The following ATP12A variants were observed in gnomAD, a reference collection of about 807,000 sequenced individuals.
The protein encoded by ATP12A is ATPase H+/K+ transporting non-gastric alpha2 subunit.
Under a neutral mutation model 111.2 loss-of-function variants are expected in ATP12A, and 81 were observed. The observed-to-expected ratio is 0.73, with a 90% confidence interval of 0.61 to 0.88. The LOEUF (loss-of-function observed/expected upper bound fraction) is 0.88. Ranked by LOEUF, ATP12A falls within the 40% of genes least tolerant of loss-of-function variation. The pLI, the probability that ATP12A is intolerant of heterozygous loss-of-function variation, is 0.00. For synonymous variants in ATP12A, 498 were observed against 499.8 expected (o/e 1.00, Z 0.05); for missense variants, 1,196 against 1,313.1 (o/e 0.91, Z 1.38).
intron 11 of ATP12A, among the ~76,000 whole-genome samples, chr13:24,696,002 T>G (rs1288284077): frequency 6.6e-6 from 1 of 152,008 alleles, no homozygotes. Context: ...ACCAGAAACA[T>G]ATGATGTAAA....
rs960146252 is a variant in ATP12A at position 24,688,430 on chromosome 13, G to A, written c.340G>A (p.Gly114Arg). The A allele has an allele frequency of 6.2e-7, 1 of 1,614,114 alleles. No individual in the cohort carries two copies. The highest frequency in any genetic ancestry group is 1.7e-5 in the Admixed American group (1 of 60,020). ...IVKFLKQMVG[G>R]FSILLWVGAF... Reference sequence around the variant, plus strand: ...CAAGTTCCTCAAGCAGATGGTGGGGGGGTTCTCTATCCTCCTGTGGGTGGG... The same window carrying A: ...CAAGTTCCTCAAGCAGATGGTGGGGAGGTTCTCTATCCTCCTGTGGGTGGG... The change falls in exon 4 of 23, where the codon GGG becomes AGG. Residue 114 changes from glycine to arginine, a missense_variant. By Grantham distance (125) the Gly-to-Arg change is moderately radical (BLOSUM62 -2). Around this residue, in one of 3 missense-constraint regions of ATP12A, gnomAD observed 1,126 missense variants for 1,228.5 expected, o/e 0.92. Transcript: ENST00000381946.
At chr13:24,684,875 AAGG>A (rs368907735) in intron 2 of ATP12A, among the ~76,000 whole-genome samples, 2 of 152,162 alleles carry the variant, frequency 1.3e-5, no homozygotes, top group African/African-American at 2.4e-5. Context: ...CCACACAGCG[AAGG>A]AGGAGGAGTT....
In ATP12A at chr13:24,694,859, TCTCA is replaced by T. The variant is rs1319776441; in HGVS notation, c.1512+283_1512+286del. ...CTGTCACAGGCACACACTCTCTCTC[TCTCA>T]CACACACACACACACACACACACTC... On this transcript the variant is annotated intron_variant, in intron 11 of 22. Transcript: ENST00000381946. 9.4e-3 allele frequency among the ~76,000 whole-genome samples: 1,403 copies of T among 149,086 alleles called. 14 individuals carry two copies. The highest frequency in any genetic ancestry group is 0.029 in the African/African-American group (1,158 of 40,442).
chr13:24,688,522 C>T lies in ATP12A; in HGVS notation c.432C>T (p.Asn144=), dbSNP rs199568379. The stretch of plus-strand genomic sequence containing the variant: ...GCGACAAGTCTGCATCCCTGAACAA[C>T]GTAAGGCTCTGGGGTGTCCCCTCCT... ...YSSDKSASLN[N]VYLGCVLGLV... The change falls in exon 4 of 23, where the codon AAC becomes AAT. Residue 144 remains asparagine, a splice_region_variant and synonymous_variant. Transcript: ENST00000381946. 248 of 1,577,054 alleles carry T rather than the reference C, an allele frequency of 1.6e-4. No individual in the cohort carries two copies. The highest frequency in any genetic ancestry group is 1.3e-4 in the Non-Finnish European group (155 of 1,158,608).
intron 17 of ATP12A, among the ~76,000 whole-genome samples, chr13:24,708,857 G>A (rs940936342): frequency 1.6e-5 from 2 of 122,208 alleles, no homozygotes; most frequent in African/African-American, 2.9e-5. Flanking sequence ...AGAGAGAGAG[G>A]GAAAGAGAGA....
chr13:24,694,505 G>A lies in ATP12A; in HGVS notation c.1439G>A (p.Gly480Asp). Residue 480 changes from glycine to aspartate, a missense_variant, in exon 11 of 23, where the codon GGT becomes GAT. Physicochemically the swap from Gly to Asp is moderately conservative, Grantham distance 94 (BLOSUM62 -1). Coordinates refer to ENST00000381946, the MANE Select transcript of ATP12A (RefSeq NM_001676.7). Reference sequence around the variant, plus strand: ...TTAAAATTCTCAGAGGTCATTTTGGGTGATGTGATGGAAATTAGAAAAAGA... The same window carrying A: ...TTAAAATTCTCAGAGGTCATTTTGGATGATGTGATGGAAATTAGAAAAAGA... ...ALLKFSEVIL[G>D]DVMEIRKRNR... The A allele has an allele frequency of 6.2e-7, 1 of 1,614,120 alleles. No individual in the cohort carries two copies. Among genetic ancestry groups the A allele is most frequent in the Non-Finnish European group, 8.5e-7 (1 of 1,180,022 alleles).
intron 19 of ATP12A, among the ~76,000 whole-genome samples, chr13:24,710,076 C>T (rs961649990): frequency 2.0e-5 from 3 of 152,094 alleles, no homozygotes; most frequent in African/African-American, 7.2e-5. Context: ...GAAGAGTGAC[C>T]AGCCCAGCCA....
At chr13:24,681,149 A>G (rs1874415304) in intron 1 of ATP12A, among the ~76,000 whole-genome samples, 1 of 152,104 alleles carries the variant, frequency 6.6e-6, no homozygotes, top group African/African-American at 2.4e-5. Context: ...CTCCTCCCCA[A>G]GAAACAGGAC....
rs1471186821 is a variant in ATP12A, at chr13:24,710,488, G to T, written c.2792G>T (p.Trp931Leu). ...AGGTACCAGAGGGAATACCTAGAAT[G>T]GACGGGCTACACGGCTTTCTTTGTT... The part of the protein sequence containing the change: ...WTRYQREYLE[W>L]TGYTAFFVGI... Residue 931 changes from tryptophan to leucine, a missense_variant, in exon 20 of 23, where the codon TGG becomes TTG. By Grantham distance (61) the Trp-to-Leu change is moderately conservative. Coordinates refer to ENST00000381946, the MANE Select transcript of ATP12A (RefSeq NM_001676.7). 1 of 1,614,180 alleles carries T rather than the reference G, an allele frequency of 6.2e-7. No homozygotes were observed. Among genetic ancestry groups the T allele is most frequent in the Non-Finnish European group, 8.5e-7 (1 of 1,180,024 alleles).
Position 24,694,724 on chromosome 13 carries a change from C to T in ATP12A, c.1512+146C>T, listed in dbSNP as rs2289900. 46 of 1,238,866 alleles carry T rather than the reference C, an allele frequency of 3.7e-5. No homozygotes were observed. The East Asian group carries it at 1.0e-3, about 27-fold the overall frequency. 76.7% of individuals were successfully genotyped at this position (1,238,866 alleles called of 1,614,324 possible). ...ATACAGCACCCAGGCATCTGGTCCC[C>T]TAGGTCAAGCTCCCTTGCTGGCCTC... On this transcript the variant is annotated intron_variant, in intron 11 of 22. Coordinates refer to ENST00000381946, the MANE Select transcript of ATP12A (RefSeq NM_001676.7).
rs1168799439 is a variant in ATP12A, at chr13:24,685,285, C to A, written c.169-29C>A. On this transcript the variant is annotated intron_variant, in intron 2 of 22. Transcript: ENST00000381946. The surrounding 1 kb of genome is among the most constrained non-coding windows in gnomAD (Gnocchi z 5.5). ...TTGAGTCTTTTGGAATTATCTAATT[C>A]ACTCTGTTCTTCCTTTCATGGACTT... is the stretch of plus-strand genomic sequence containing the variant. 6.2e-7 allele frequency: 1 copy of A among 1,605,570 alleles called. No individual in the cohort carries two copies. Among genetic ancestry groups the A allele is most frequent in the Admixed American group, 1.7e-5 (1 of 60,008 alleles).
In ATP12A at chr13:24,710,398, T is replaced by C. The variant is rs528397502; in HGVS notation, c.2764-62T>C. The C allele has an allele frequency of 1.8e-5, 29 of 1,593,770 alleles. No homozygotes were observed. In the African/African-American group the frequency reaches 3.2e-4, roughly 18 times the overall value. On this transcript the variant is annotated intron_variant, in intron 19 of 22. Coordinates refer to ENST00000381946, the MANE Select transcript of ATP12A (RefSeq NM_001676.7). ...AACATGAAGCTTTAGAGAACTGCATTGGAATTTCCTAGAAGTTTTCCTTTA... is the reference window on the plus strand; with the variant it reads ...AACATGAAGCTTTAGAGAACTGCATCGGAATTTCCTAGAAGTTTTCCTTTA...
At position 24,706,414 on chromosome 13, in the gene ATP12A, G is replaced by A. The variant is rs992085860; in HGVS notation, c.2120G>A (p.Arg707Gln). Residue 707 changes from arginine to glutamine, a missense_variant, in exon 15 of 23, where the codon CGG becomes CAG. Coordinates refer to ENST00000381946, the MANE Select transcript of ATP12A (RefSeq NM_001676.7). The stretch of plus-strand genomic sequence containing the variant: ...AACTACCAGGAGATTGTCTTTGCCC[G>A]GACATCCCCCCAGCAGAAGCTGATC... ...LANYQEIVFA[R>Q]TSPQQKLIIV... 83 of 1,614,050 alleles carry A rather than the reference G, an allele frequency of 5.1e-5. No homozygotes were observed. Among genetic ancestry groups the A allele is most frequent in the Middle Eastern group, 4.9e-4 (3 of 6,084 alleles).
chr13:24,682,742 G>A (rs73158344), intron 2 of ATP12A, among the ~76,000 whole-genome samples: 20,232 of 152,112 alleles, frequency 0.13, 1,404 homozygotes, highest in Middle Eastern at 0.2. Context: ...GGAGGACCTC[G>A]GGCCCCATCA....
Position 24,711,739 on chromosome 13 carries a change from T to A in ATP12A, c.*217T>A, listed in dbSNP as rs1346608626. ...TATAGGATTTTCTTTTCTATCTCCA[T>A]CTCCTCATTAAAAAATACGTACATT... On this transcript the variant is annotated 3_prime_UTR_variant, in exon 23 of 23. Transcript: ENST00000381946. 1.6e-6 allele frequency: 1 copy of A among 615,554 alleles called. No homozygotes were observed. Among genetic ancestry groups the A allele is most frequent in the African/African-American group, 1.9e-5 (1 of 54,008 alleles). 38.1% of individuals were successfully genotyped at this position (615,554 alleles called of 1,614,324 possible). A position where few individuals can be genotyped will look rare whatever the true frequency, so the allele number is the denominator to read the frequency against.
intron 14 of ATP12A, among the ~76,000 whole-genome samples, chr13:24,705,473 C>A (rs1417610730): frequency 1.3e-5 from 2 of 152,152 alleles, no homozygotes; most frequent in Non-Finnish European, 1.5e-5. Flanking sequence ...ATCAATAGGC[C>A]CTAGAACCTT....
At position 24,692,686 on chromosome 13, in the gene ATP12A, C is replaced by G. The variant is rs889189215; in HGVS notation, c.1267+59C>G. 3 of 1,598,314 alleles carry G rather than the reference C, an allele frequency of 1.9e-6. No individual in the cohort carries two copies. The African/African-American group carries it at 4.0e-5, about 21-fold the overall frequency. ...CTGTGGACTCCATCCTGGGGCTGAG[C>G]TGAGCACACAGCAGGGTCTGCAGCC... On this transcript the variant is annotated intron_variant, in intron 9 of 22. Transcript: ENST00000381946.
chr13:24,696,433 G>A lies in ATP12A; in HGVS notation c.1512+1855G>A, dbSNP rs1235043652. Among the ~76,000 whole-genome samples the A allele has an allele frequency of 4.2e-5, 3 of 71,516 alleles. 1 individual carries two copies. Among genetic ancestry groups the A allele is most frequent in the Admixed American group, 4.4e-4 (2 of 4,536 alleles). The allele number at this position is 71,516 out of a possible 152,430, so 46.9% of individuals were successfully genotyped here. A position where few individuals can be genotyped will look rare whatever the true frequency, so the allele number is the denominator to read the frequency against. ...TAGAAAGGGGAGAGGGGGGCCGGGC[G>A]CGGTGGCTCACGCCTGTAATCCCAG... On this transcript the variant is annotated intron_variant, in intron 11 of 22. Transcript: ENST00000381946.
intron 17 of ATP12A, among the ~76,000 whole-genome samples, chr13:24,708,969 G>GGAAGAAAGAAAGAAAGAAAGAA (rs1875832456): frequency 6.8e-6 from 1 of 146,466 alleles, no homozygotes; most frequent in Admixed American, 6.8e-5. Flanking sequence ...AAGAAGGAAA[G>GGAAGAAAGAAAGAAAGAAAGAA]AGAAAGAGAA....
Sources: allele counts gnomAD v4.1 joint callset (sites outside exome capture counted in the v4.1 genomes callset), GRCh38; gene constraint gnomAD v4.1.1; regional missense constraint gnomAD v4.1.1; non-coding constraint Gnocchi (gnomAD v3.1); transcripts MANE v1.5; gene names NCBI Gene and HGNC (gene_info 2026-07-23, HGNC 2026-07-21).